ERG: variants seen among roughly 807,000 people sequenced by gnomAD.
The protein encoded by ERG is transcriptional regulator ERG.
Under a neutral mutation model 55.3 loss-of-function variants are expected in ERG, and 9 were observed. The ratio of observed to expected loss-of-function variants is 0.16; its 90% CI spans 0.10 to 0.28. ERG has a LOEUF of 0.28. Among genes scored for constraint, ERG ranks in the 10% least tolerant of loss-of-function variants. The probability of loss-of-function intolerance (pLI) is 1.00; values close to 1 mark genes in which losing one functional copy is unlikely to be tolerated. For missense variants in ERG, 434 were observed against 631.6 expected, an observed-to-expected ratio of 0.69 and a Z score of 3.35; for synonymous variants, 223 against 237.3, an observed-to-expected ratio of 0.94 and a Z score of 0.55.
At chr21:38,518,386 G>T (rs967444719) in intron 2 of ERG, among the ~76,000 whole-genome samples, 1 of 151,970 alleles carries the variant, frequency 6.6e-6, no homozygotes, top group Non-Finnish European at 1.5e-5. Flanking sequence ...ACAGCAATTA[G>T]GTCAGAATAG....
chr21:38,525,303 G>A (rs954845472), intron 2 of ERG, among the ~76,000 whole-genome samples: 2 of 151,922 alleles, frequency 1.3e-5, no homozygotes, highest in African/African-American at 4.8e-5. Context: ...CCTCTCTCGG[G>A]TTCTGTATCC....
chr21:38,565,211 C>T (rs746416491), intron 2 of ERG, among the ~76,000 whole-genome samples: 7 of 152,204 alleles, frequency 4.6e-5, no homozygotes, highest in Non-Finnish European at 8.8e-5. Context: ...CCTCCCCTTT[C>T]GCTGCCTGGT....
At chr21:38,434,557 A>T (rs1990369363) in intron 2 of ERG, among the ~76,000 whole-genome samples, 1 of 152,226 alleles carries the variant, frequency 6.6e-6, no homozygotes, top group African/African-American at 2.4e-5. Flanking sequence ...ACATTTATGA[A>T]TGAATCTTCC....
chr21:38,634,366 C>T (rs574195655), intron 1 of ERG, among the ~76,000 whole-genome samples: 52 of 152,294 alleles, frequency 3.4e-4, no homozygotes, highest in African/African-American at 1.1e-3. Flanking sequence ...AGAAAGTTCA[C>T]GCTCACAAAC....
At chr21:38,589,603 G>T (rs146553463), upstream of ERG, among the ~76,000 whole-genome samples, 1 of 152,286 alleles carries the variant, frequency 6.6e-6, no homozygotes, top group Non-Finnish European at 1.5e-5. Context: ...AGGACTTCTA[G>T]GAAAAGTGTT....
intron 1 of ERG, among the ~76,000 whole-genome samples, chr21:38,621,791 T>C (rs186413613): frequency 2.6e-5 from 4 of 152,164 alleles, no homozygotes; most frequent in Admixed American, 2.6e-4. Flanking sequence ...CAAGGCAATA[T>C]ACAAAAATGC....
chr21:38,621,269 C>G (rs2060288545), intron 1 of ERG, among the ~76,000 whole-genome samples: 1 of 152,176 alleles, frequency 6.6e-6, no homozygotes, highest in Admixed American at 6.5e-5. Flanking sequence ...TCATGCAGCT[C>G]CACATGTCAT....
the ERG span, among the ~76,000 whole-genome samples, chr21:38,374,330 G>C: frequency 2.0e-4 from 30 of 152,326 alleles, no homozygotes; most frequent in East Asian, 1.9e-4. Flanking sequence ...AACAGTTGTC[G>C]ACCAGCTAGT....
intron 1 of ERG, among the ~76,000 whole-genome samples, chr21:38,447,807 C>T (rs995390583): frequency 2.0e-5 from 3 of 152,010 alleles, no homozygotes; most frequent in African/African-American, 7.3e-5. Context: ...GCCTGAGACT[C>T]GACCAAGGCT....
intron 1 of ERG, among the ~76,000 whole-genome samples, chr21:38,458,675 T>C (rs118188787): frequency 4.1e-4 from 62 of 152,338 alleles, no homozygotes; most frequent in Non-Finnish European, 7.6e-4. Context: ...CTAACCTTCA[T>C]ACTTTGCTTT....
chr21:38,479,874 T>A (rs2059221521), intron 1 of ERG, among the ~76,000 whole-genome samples: 1 of 152,238 alleles, frequency 6.6e-6, no homozygotes, highest in African/African-American at 2.4e-5. Context: ...CTGTACATCT[T>A]AGCAACCACA....
chr21:38,541,033 C>G (rs1190630137), intron 2 of ERG, among the ~76,000 whole-genome samples: 1 of 151,750 alleles, frequency 6.6e-6, no homozygotes, highest in African/African-American at 2.4e-5. Flanking sequence ...AGCAGGAATT[C>G]GTGTGCTGCA....
chr21:38,652,578 CT>C (rs2060494642), intron 1 of ERG, among the ~76,000 whole-genome samples: 1 of 152,192 alleles, frequency 6.6e-6, no homozygotes, highest in East Asian at 1.9e-4. Context: ...CACATATCTG[CT>C]GGAGTTGGGT....
At chr21:38,469,863 T>C (rs996652279) in intron 1 of ERG, among the ~76,000 whole-genome samples, 3 of 152,248 alleles carry the variant, frequency 2.0e-5, no homozygotes, top group Non-Finnish European at 4.4e-5. Flanking sequence ...TGTAACATGA[T>C]CTGCATAAAT....
At chr21:38,391,069 T>C in intron 8 of ERG, 27 bp from the exon 9 acceptor site, 1 of 1,591,658 alleles carries the variant, frequency 6.3e-7, no homozygotes, top group Non-Finnish European at 8.6e-7. Flanking sequence ...CAAAGTCAAA[T>C]CCTAGACATA....
At chr21:38,393,146 T>C (rs1988054314) in intron 6 of ERG, among the ~76,000 whole-genome samples, 1 of 152,260 alleles carries the variant, frequency 6.6e-6, no homozygotes, top group Non-Finnish European at 1.5e-5. Context: ...AGCCCATTAA[T>C]GATGACCTTC....
intron 9 of ERG, among the ~76,000 whole-genome samples, chr21:38,386,601 T>C (rs1987700682): frequency 6.6e-6 from 1 of 152,208 alleles, no homozygotes; most frequent in African/African-American, 2.4e-5. Flanking sequence ...AGGTGCATTT[T>C]AGAATATAGA....
At chr21:38,368,157 C>T in the ERG span, among the ~76,000 whole-genome samples, 1 of 152,204 alleles carries the variant, frequency 6.6e-6, no homozygotes, top group East Asian at 1.9e-4. Context: ...ATTCTCCCTT[C>T]TTAACCCCAT....
chr21:38,560,347 C>T (rs925854582), intron 2 of ERG, among the ~76,000 whole-genome samples: 1 of 152,126 alleles, frequency 6.6e-6, no homozygotes, highest in African/African-American at 2.4e-5. Context: ...ATCTGAACAA[C>T]CTCCAGCTGT....
Sources: allele counts gnomAD v4.1 joint callset (sites outside exome capture counted in the v4.1 genomes callset), GRCh38; gene constraint gnomAD v4.1.1; transcripts MANE v1.5; gene names NCBI Gene and HGNC (gene_info 2026-07-23, HGNC 2026-07-21).